WDR89: variants seen among roughly 807,000 people sequenced by gnomAD.
WDR89 encodes the protein WD repeat-containing protein 89.
In WDR89, 17 loss-of-function variants were observed where a neutral mutation model predicts 29.1. That is an observed-to-expected ratio of 0.58 (90% confidence interval 0.40 to 0.88). WDR89 has a LOEUF of 0.88. WDR89 is among the 40% of genes least tolerant of loss of function. The probability of loss-of-function intolerance (pLI) is 0.00; values close to 1 mark genes in which losing one functional copy is unlikely to be tolerated. For synonymous variants in WDR89, 138 were observed against 157.8 expected (o/e 0.87, Z 0.94); for missense variants, 396 against 456.3 (o/e 0.87, Z 1.20).
At position 63,597,673 on chromosome 14, in the gene WDR89, T is replaced by C. The variant is rs932834833; in HGVS notation, c.*1106A>G. 6.6e-6 allele frequency: 1 copy of C among 152,230 alleles called. No individual in the cohort carries two copies. Among genetic ancestry groups the C allele is most frequent in the Non-Finnish European group, 1.5e-5 (1 of 68,040 alleles). 9.4% of individuals were successfully genotyped at this position (152,230 alleles called of 1,614,324 possible). A position where few individuals can be genotyped will look rare whatever the true frequency, so the allele number is the denominator to read the frequency against. ...CTTTCAAACTAATTTTTTTATTCAC[T>C]AGATAGCACTGTCTTATATTTTAAA... is the stretch of plus-strand genomic sequence containing the variant. On this transcript the variant is annotated 3_prime_UTR_variant, in exon 3 of 3. Coordinates refer to ENST00000620954, the MANE Select transcript of WDR89 (RefSeq NM_080666.4).
Position 63,599,080 on chromosome 14 carries a change from G to T in WDR89, c.863C>A (p.Thr288Lys), listed in dbSNP as rs1894921337. The T allele has an allele frequency of 6.2e-7, 1 of 1,613,990 alleles. No homozygotes were observed. Among genetic ancestry groups the T allele is most frequent in the Non-Finnish European group, 8.5e-7 (1 of 1,180,030 alleles). ...IGGLYHEKTD[T>K]LHVIGGTNKG... ...GTTTGTTCCTCCAATAACATGCAATGTGTCTGTCTTTTCATGATATAGGCC... is the reference window on the plus strand; with the variant it reads ...GTTTGTTCCTCCAATAACATGCAATTTGTCTGTCTTTTCATGATATAGGCC... Residue 288 changes from threonine (T) to lysine (K), a missense_variant, in exon 3 of 3, where the codon ACA (threonine) becomes AAA (lysine). Physicochemically the swap from Thr to Lys is moderately conservative, Grantham distance 78. Transcript: ENST00000620954.
chr14:63,601,817 T>TA (rs1286058057), intron 2 of WDR89: 1 of 1,015,832 alleles, frequency 9.8e-7, no homozygotes, highest in Admixed American at 1.7e-5. Flanking sequence ...TAAACTGAAA[T>TA]AAGTCACTAT....
chr14:63,616,421 T>A (rs954823944), intron 2 of WDR89, among the ~76,000 whole-genome samples: 2 of 152,036 alleles, frequency 1.3e-5, no homozygotes, highest in Non-Finnish European at 2.9e-5. Context: ...AATAACTAAT[T>A]ATAATAATAA....
At chr14:63,639,800 T>C (rs1883985269) in intron 1 of WDR89, among the ~76,000 whole-genome samples, 1 of 152,210 alleles carries the variant, frequency 6.6e-6, no homozygotes, top group Non-Finnish European at 1.5e-5. Flanking sequence ...AAAGTAGTCA[T>C]GACTTTAGTA....
intron 2 of WDR89, among the ~76,000 whole-genome samples, chr14:63,614,495 G>A (rs1157082067): frequency 6.6e-6 from 1 of 151,772 alleles, no homozygotes; most frequent in Non-Finnish European, 1.5e-5. Context: ...CATATCTGAT[G>A]TCAGCTTATC....
At chr14:63,622,317 T>A (rs11849695) in intron 2 of WDR89, among the ~76,000 whole-genome samples, 1,644 of 152,260 alleles carry the variant, frequency 0.011, 32 homozygotes, top group African/African-American at 0.037. Context: ...TGGTGGCTCA[T>A]GCCTGTAATC....
intron 1 of WDR89, among the ~76,000 whole-genome samples, chr14:63,632,308 C>CA (rs1319950305): frequency 6.6e-6 from 1 of 151,934 alleles, no homozygotes; most frequent in Admixed American, 6.6e-5. Context: ...ATTCTGTTAT[C>CA]AGACTATAGG....
At chr14:63,603,134 T>C (rs76445519) in intron 2 of WDR89, among the ~76,000 whole-genome samples, 1 of 152,242 alleles carries the variant, frequency 6.6e-6, no homozygotes, top group East Asian at 1.9e-4. Flanking sequence ...ATTTTTCCTT[T>C]GGAGATGGCA....
chr14:63,606,951 G>C (rs1895350999), intron 2 of WDR89, among the ~76,000 whole-genome samples: 1 of 152,132 alleles, frequency 6.6e-6, no homozygotes, highest in African/African-American at 2.4e-5. Context: ...CCAATGTTAA[G>C]CTATTGATCT....
rs755092203 is a variant in WDR89, at chr14:63,599,642, C to T, written c.301G>A (p.Val101Ile). The change falls in exon 3 of 3, where the codon GTA becomes ATA. Residue 101 changes from valine to isoleucine, a missense_variant. By Grantham distance (29) the Val-to-Ile change is conservative. Coordinates refer to ENST00000620954, the MANE Select transcript of WDR89 (RefSeq NM_080666.4). Reference sequence around the variant, plus strand: ...AGCTGAACAGGTTTTTCTCTGGCTACTCGAGCATCCCAGCATTTCACAGTG... The same window carrying T: ...AGCTGAACAGGTTTTTCTCTGGCTATTCGAGCATCCCAGCATTTCACAGTG... ...DGTVKCWDAR[V>I]AREKPVQLFK... 8 of 1,614,032 alleles carry T rather than the reference C, an allele frequency of 5.0e-6. 1 individual carries two copies. The Admixed American group carries it at 8.3e-5, about 17-fold the overall frequency.
rs78279767 is a variant in WDR89, at chr14:63,637,279, T to A, written c.-138+4525A>T. On this transcript the variant is annotated intron_variant, in intron 1 of 2. Transcript: ENST00000620954. ...AAAAAACAAGAGATGCTGGCGTGGATGTGGTAAACAGGGAACACTTCCGCA... is the reference window on the plus strand; with the variant it reads ...AAAAAACAAGAGATGCTGGCGTGGAAGTGGTAAACAGGGAACACTTCCGCA... Among the ~76,000 whole-genome samples the A allele has an allele frequency of 4.5e-3, 680 of 152,322 alleles. 7 individuals are homozygous for A. The highest frequency in any genetic ancestry group is 0.015 in the African/African-American group (641 of 41,574).
chr14:63,641,097 C>CAAAAAAAAAAAA (rs57478091), intron 1 of WDR89, among the ~76,000 whole-genome samples: 9 of 63,902 alleles, frequency 1.4e-4, no homozygotes, highest in Non-Finnish European at 1.8e-4. Context: ...GACTCCATCT[C>CAAAAAAAAAAAA]AAAAAAAAAA....
At chr14:63,602,633 G>C (rs936003801) in intron 2 of WDR89, among the ~76,000 whole-genome samples, 1 of 150,788 alleles carries the variant, frequency 6.6e-6, no homozygotes, top group Non-Finnish European at 1.5e-5. Flanking sequence ...TTAGCCAGGC[G>C]TGGTGGCACA....
chr14:63,614,066 G>A (rs1005569405), intron 2 of WDR89, among the ~76,000 whole-genome samples: 1 of 151,876 alleles, frequency 6.6e-6, no homozygotes, highest in African/African-American at 2.4e-5. Flanking sequence ...TCTGAATTCA[G>A]GCATTCTTAT....
In WDR89 at chr14:63,613,914, G is replaced by T. The variant is rs147407338; in HGVS notation, c.-32+11014C>A. ...TCCTCCTGCTTTGGCCTCCCAAAGCGCTGGGATTATAGGCATGAACCACCA... is the reference window on the plus strand; with the variant it reads ...TCCTCCTGCTTTGGCCTCCCAAAGCTCTGGGATTATAGGCATGAACCACCA... On this transcript the variant is annotated intron_variant, in intron 2 of 2. Coordinates refer to ENST00000620954, the MANE Select transcript of WDR89 (RefSeq NM_080666.4). Among the ~76,000 whole-genome samples the T allele has an allele frequency of 6.3e-3, 934 of 148,510 alleles. 11 individuals are homozygous for T. Among genetic ancestry groups the T allele is most frequent in the African/African-American group, 0.022 (889 of 40,146 alleles).
chr14:63,614,387 A>T (rs907037382), intron 2 of WDR89, among the ~76,000 whole-genome samples: 11 of 150,724 alleles, frequency 7.3e-5, no homozygotes, highest in Non-Finnish European at 1.6e-4. Context: ...AGCTCACGGC[A>T]GCCTTGACCT....
intron 2 of WDR89, among the ~76,000 whole-genome samples, chr14:63,610,216 T>C (rs925535002): frequency 1.2e-5 from 1 of 86,824 alleles, no homozygotes; most frequent in Non-Finnish European, 1.9e-5. Flanking sequence ...TAAGACTCTG[T>C]CTTAAAAAAA....
At position 63,599,721 on chromosome 14, in the gene WDR89, A is replaced by G. The variant is rs1360208480; in HGVS notation, c.222T>C (p.Asn74=). 2 of 1,614,206 alleles carry G rather than the reference A, an allele frequency of 1.2e-6. No homozygotes were observed. The highest frequency in any genetic ancestry group is 2.2e-5 in the South Asian group (2 of 91,088). Residue 74 remains asparagine, a synonymous_variant, in exon 3 of 3, where the codon AAT becomes AAC. Coordinates refer to ENST00000620954, the MANE Select transcript of WDR89 (RefSeq NM_080666.4). Reference sequence around the variant, plus strand: ...CACAGGAATTTGCAAATCTGACTCCATTAAGAAGTCCAGGATATCCACTAA... The same window carrying G: ...CACAGGAATTTGCAAATCTGACTCCGTTAAGAAGTCCAGGATATCCACTAA... ...REFSGYPGLL[N]GVRFANSCDS... is the part of the protein sequence containing the mutation.
Position 63,598,835 on chromosome 14 carries a change from GCA to G in WDR89, c.1106_1107del (p.Val369AlafsTer8), listed in dbSNP as rs1894907015. On this transcript the variant is annotated frameshift_variant, in exon 3 of 3. Transcript: ENST00000620954. LOFTEE classifies it high-confidence loss of function. ...KKESMKIASS[V>X]HQRVRVHSND... ...TTACTATGAACTCGTACTCGTTGGT[GCA>G]CAGAGGATGCTATTTTCATACTCTC... 6.2e-7 allele frequency: 1 copy of G among 1,613,428 alleles called. No homozygotes were observed. Among genetic ancestry groups the G allele is most frequent in the African/African-American group, 1.3e-5 (1 of 74,894 alleles).
Sources: allele counts gnomAD v4.1 joint callset (sites outside exome capture counted in the v4.1 genomes callset), GRCh38; gene constraint gnomAD v4.1.1; transcripts MANE v1.5; gene names NCBI Gene and HGNC (gene_info 2026-07-23, HGNC 2026-07-21).